The following TRPC7 variants were observed in gnomAD, a reference collection of about 807,000 sequenced individuals.
TRPC7 encodes short transient receptor potential channel 7.
Under a neutral mutation model 90.1 loss-of-function variants are expected in TRPC7, and 42 were observed. The ratio of observed to expected loss-of-function variants is 0.47; its 90% confidence interval spans 0.36 to 0.60. The LOEUF is 0.60. Ranked by LOEUF, TRPC7 falls within the 20% of genes least tolerant of loss-of-function variation. The probability of loss-of-function intolerance (pLI) is 0.00; values close to 1 mark genes in which losing one functional copy is unlikely to be tolerated. For synonymous variants in TRPC7, 451 were observed against 436.3 expected (o/e 1.03, Z -0.42); for missense variants, 955 against 1,112.3 (o/e 0.86, Z 2.01).
chr5:136,234,095 C>A (rs1755907693), intron 7 of TRPC7, among the ~76,000 whole-genome samples: 1 of 152,178 alleles, frequency 6.6e-6, no homozygotes, highest in Non-Finnish European at 1.5e-5. Flanking sequence ...TGTTGTCTGT[C>A]TTCCAGACAA....
chr5:136,347,962 T>G (rs1760064388), intron 2 of TRPC7, among the ~76,000 whole-genome samples: 2 of 152,198 alleles, frequency 1.3e-5, no homozygotes, highest in South Asian at 4.1e-4. Flanking sequence ...GCGCTGTGGC[T>G]TCATCTGCAA....
chr5:136,274,920 G>A, intron 3 of TRPC7, 83 bp from the exon 4 acceptor site: 1 of 1,436,066 alleles, frequency 7.0e-7, no homozygotes, highest in Non-Finnish European at 9.3e-7. Flanking sequence ...CAACCTAGGA[G>A]TAGCTGGGGG....
At chr5:136,296,675 T>C (rs1758185762) in intron 3 of TRPC7, among the ~76,000 whole-genome samples, 1 of 152,216 alleles carries the variant, frequency 6.6e-6, no homozygotes, top group Non-Finnish European at 1.5e-5. Context: ...TAAATACATG[T>C]CTGCAAATGG....
intron 7 of TRPC7, among the ~76,000 whole-genome samples, chr5:136,243,926 A>G (rs1248884198): frequency 1.3e-5 from 2 of 151,726 alleles, no homozygotes; most frequent in Non-Finnish European, 2.9e-5. Flanking sequence ...TCCCTCTCCT[A>G]GAAGGTCTGG....
intron 4 of TRPC7, among the ~76,000 whole-genome samples, chr5:136,268,225 G>A (rs1473982305): frequency 6.6e-6 from 1 of 152,196 alleles, no homozygotes; most frequent in African/African-American, 2.4e-5. Context: ...CCAGGAGACA[G>A]CCTTAGGTAG....
Position 136,315,726 on chromosome 5 carries a change from C to A in TRPC7, c.834G>T (p.Leu278=), listed in dbSNP as rs1371378343. The change falls in exon 3 of 12, where the codon CTG becomes CTT. Residue 278 remains leucine (L), a synonymous_variant. Coordinates refer to ENST00000513104, the MANE Select transcript of TRPC7 (RefSeq NM_020389.3). ...MQCKDFVVGV[L]DLCRDTEEVE... ...CCTCTTCTGTGTCTCGGCACAGGTCCAGCACGCCCACTACAAAATCCTTGC... is the reference window on the plus strand; with the variant it reads ...CCTCTTCTGTGTCTCGGCACAGGTCAAGCACGCCCACTACAAAATCCTTGC... 6.2e-7 allele frequency: 1 copy of A among 1,614,062 alleles called. No individual in the cohort carries two copies. The highest frequency in any genetic ancestry group is 1.1e-5 in the South Asian group (1 of 91,072).
At chr5:136,289,814 C>A (rs1022103684) in intron 3 of TRPC7, among the ~76,000 whole-genome samples, 9 of 152,232 alleles carry the variant, frequency 5.9e-5, no homozygotes, top group African/African-American at 2.2e-4. Flanking sequence ...CAGCACGCAG[C>A]TTGAGATCTG....
chr5:136,353,014 T>C (rs776106596), intron 2 of TRPC7, among the ~76,000 whole-genome samples: 2 of 152,210 alleles, frequency 1.3e-5, no homozygotes, highest in Non-Finnish European at 2.9e-5. Context: ...ATTCCCTTCA[T>C]CAAGTATTTC....
At chr5:136,288,576 G>A (rs1215117344) in intron 3 of TRPC7, among the ~76,000 whole-genome samples, 2 of 152,014 alleles carry the variant, frequency 1.3e-5, no homozygotes, top group Non-Finnish European at 2.9e-5. Context: ...TATAAGGCAA[G>A]TAGTGTTATC....
At chr5:136,278,000 TAA>T (rs1246041121) in intron 3 of TRPC7, among the ~76,000 whole-genome samples, 1 of 152,190 alleles carries the variant, frequency 6.6e-6, no homozygotes, top group East Asian at 1.9e-4. Context: ...AGCAGGCTCT[TAA>T]GAGAAAATAA....
At chr5:136,234,869 C>A (rs770064511) in intron 7 of TRPC7, among the ~76,000 whole-genome samples, 1 of 152,016 alleles carries the variant, frequency 6.6e-6, no homozygotes, top group Non-Finnish European at 1.5e-5. Context: ...TTAGAGGGCA[C>A]CTTATGGGCA....
At chr5:136,244,660 C>T (rs964529623) in intron 7 of TRPC7, among the ~76,000 whole-genome samples, 25 of 152,338 alleles carry the variant, frequency 1.6e-4, no homozygotes, top group East Asian at 1.5e-3. Context: ...CTTCGTTTAT[C>T]GGCTGACATC....
chr5:136,221,207 A>G (rs533385667), intron 10 of TRPC7, among the ~76,000 whole-genome samples: 1 of 152,186 alleles, frequency 6.6e-6, no homozygotes, highest in South Asian at 2.1e-4. Flanking sequence ...TGGAGATAAT[A>G]AGCTTTCTCC....
chr5:136,290,627 A>G (rs1422731576), intron 3 of TRPC7, among the ~76,000 whole-genome samples: 1 of 152,230 alleles, frequency 6.6e-6, no homozygotes, highest in Non-Finnish European at 1.5e-5. Context: ...GCCTCCAAGA[A>G]ATATGGGACT....
At chr5:136,339,652 G>A (rs1313823259) in intron 2 of TRPC7, among the ~76,000 whole-genome samples, 2 of 152,066 alleles carry the variant, frequency 1.3e-5, no homozygotes, top group African/African-American at 4.8e-5. Flanking sequence ...AATGGACTCA[G>A]TGCATGAAGA....
Position 136,247,667 on chromosome 5 carries a change from G to A in TRPC7, c.1648C>T (p.Leu550=). ...SEGLYAIAVV[L]SFSRIAYILP... The stretch of plus-strand genomic sequence containing the variant: ...ATGTATGCAATGCGAGAGAAGCTCA[G>A]CACGACGGCTATCGCGTAGAGCCCT... Residue 550 remains leucine, a synonymous_variant, in exon 7 of 12, where the codon CTG becomes TTG. Coordinates refer to ENST00000513104, the MANE Select transcript of TRPC7 (RefSeq NM_020389.3). The surrounding 1 kb of genome is among the most constrained non-coding windows in gnomAD (Gnocchi z 4.2). 2.5e-6 allele frequency: 4 copies of A among 1,613,992 alleles called. No individual in the cohort carries two copies. Among genetic ancestry groups the A allele is most frequent in the Non-Finnish European group, 3.4e-6 (4 of 1,179,880 alleles).
intron 3 of TRPC7, among the ~76,000 whole-genome samples, chr5:136,308,044 C>T (rs571081355): frequency 5.0e-4 from 76 of 152,286 alleles, no homozygotes; most frequent in African/African-American, 1.5e-3. Context: ...CACGCACAGT[C>T]GGGCTCCTGG....
intron 2 of TRPC7, among the ~76,000 whole-genome samples, chr5:136,355,723 A>G (rs1760347875): frequency 6.6e-6 from 1 of 152,216 alleles, no homozygotes; most frequent in Non-Finnish European, 1.5e-5. Flanking sequence ...GCATGAACCC[A>G]GGAGGCAGAG....
chr5:136,356,962 C>T lies in TRPC7; in HGVS notation c.426G>A (p.Leu142=), dbSNP rs978852296. The T allele has an allele frequency of 6.2e-7, 1 of 1,612,590 alleles. No homozygotes were observed. The highest frequency in any genetic ancestry group is 8.5e-7 in the Non-Finnish European group (1 of 1,179,616). The change falls in exon 2 of 12, where the codon CTG becomes CTA. Residue 142 remains leucine (L), a synonymous_variant. Transcript: ENST00000513104. ...AGTCGTCGTCGCGCAGCTCCTGTTC[C>T]AGCGGGCTGAGCGTCAGGCGCTGGC... The part of the protein sequence containing the change: ...AQGQRLTLSP[L]EQELRDDDFY...
Sources: gnomAD v4.1 joint callset for allele counts (sites outside exome capture counted in the v4.1 genomes callset) on GRCh38, gnomAD v4.1.1 for gene constraint, Gnocchi (gnomAD v3.1) non-coding constraint, MANE v1.5 for transcripts, NCBI Gene and HGNC (gene_info 2026-07-23, HGNC 2026-07-21) for gene names.